Variants in ASF1A observed in about 807,000 individuals in gnomAD.
ASF1A encodes anti-silencing function 1A histone chaperone, also known as histone chaperone ASF1A.
ASF1A carries 5 observed loss-of-function variants against 22.0 expected under a neutral mutation model. The ratio of observed to expected loss-of-function variants is 0.23; its 90% CI spans 0.12 to 0.48. ASF1A has a LOEUF of 0.48. Ranked by LOEUF, ASF1A falls within the 20% of genes least tolerant of loss-of-function variation. The probability of loss-of-function intolerance (pLI) is 0.99; values close to 1 mark genes in which losing one functional copy is unlikely to be tolerated. For missense variants in ASF1A, 137 were observed against 240.6 expected, an observed-to-expected ratio of 0.57 and a Z score of 2.85; for synonymous variants, 97 against 86.7, an observed-to-expected ratio of 1.12 and a Z score of -0.66.
intron 1 of ASF1A, 126 bp downstream of exon 1, chr6:118,894,648 G>A (rs1399535136): frequency 2.4e-6 from 2 of 827,640 alleles, no homozygotes; most frequent in Non-Finnish European, 1.9e-6. Flanking sequence ...CTCTGCGGAG[G>A]GAAACTTGAA....
intron 1 of ASF1A, among the ~76,000 whole-genome samples, chr6:118,897,081 C>G (rs1209061016): frequency 9.2e-5 from 14 of 152,140 alleles, no homozygotes. Context: ...TCAAGCAGTC[C>G]TCCCACCCCT....
intron 3 of ASF1A, among the ~76,000 whole-genome samples, chr6:118,906,880 CTTG>C (rs1317940360): frequency 2.0e-5 from 3 of 152,110 alleles, no homozygotes; most frequent in Non-Finnish European, 4.4e-5. Flanking sequence ...ATTTTTCACC[CTTG>C]TTGTACCTTC....
chr6:118,894,571 G>T, intron 1 of ASF1A, 49 bp downstream of exon 1: 1 of 1,454,140 alleles, frequency 6.9e-7, no homozygotes. Context: ...GGCTGCAGAC[G>T]TTGAAAGTTT....
chr6:118,905,907 A>G (rs1780147768), intron 3 of ASF1A, 79 bp downstream of exon 3: 1 of 1,098,330 alleles, frequency 9.1e-7, no homozygotes, highest in Non-Finnish European at 1.3e-6. Flanking sequence ...TTCATAGTAT[A>G]CTATTAAAAT....
chr6:118,903,855 AGGAT>A lies in ASF1A; in HGVS notation c.226-1796_226-1793del, dbSNP rs1198486805. The stretch of plus-strand genomic sequence containing the variant: ...ACCCACCTTAGCCTCCCAAAGTGCT[AGGAT>A]TACAGGCGTGAGCCACCGTGCTCAG... On this transcript the variant is annotated intron_variant, in intron 2 of 3. Coordinates refer to ENST00000229595, the MANE Select transcript of ASF1A (RefSeq NM_014034.3). Among the ~76,000 whole-genome samples, 43 of 152,222 alleles carry A rather than the reference AGGAT, an allele frequency of 2.8e-4. 1 individual carries two copies. The highest frequency in any genetic ancestry group is 9.9e-4 in the African/African-American group (41 of 41,552).
At chr6:118,904,630 A>G (rs567897516) in intron 2 of ASF1A, among the ~76,000 whole-genome samples, 1 of 152,318 alleles carries the variant, frequency 6.6e-6, no homozygotes, top group South Asian at 2.1e-4. Context: ...TACTTTCTGC[A>G]TTCCTCAAGG....
chr6:118,908,344 A>C lies in ASF1A; in HGVS notation c.*730A>C, dbSNP rs1012731995. 1 of 152,146 alleles carries C rather than the reference A, an allele frequency of 6.6e-6. No individual in the cohort carries two copies. Among genetic ancestry groups the C allele is most frequent in the African/African-American group, 2.4e-5 (1 of 41,452 alleles). 9.4% of individuals were successfully genotyped at this position (152,146 alleles called of 1,614,324 possible). On this transcript the variant is annotated 3_prime_UTR_variant, in exon 4 of 4. Coordinates refer to ENST00000229595, the MANE Select transcript of ASF1A (RefSeq NM_014034.3). ...TTATTGTCCAGTGAATTCAAGACCA[A>C]ATACAATATCGGGAGAAAATACAAA... is the stretch of plus-strand genomic sequence containing the variant.
chr6:118,900,156 T>A (rs1779707327), intron 1 of ASF1A, among the ~76,000 whole-genome samples: 1 of 151,992 alleles, frequency 6.6e-6, no homozygotes, highest in South Asian at 2.1e-4. Context: ...ATTTAAAGAA[T>A]GTATGACACA....
intron 1 of ASF1A, among the ~76,000 whole-genome samples, chr6:118,898,310 C>T (rs919759037): frequency 2.6e-5 from 4 of 151,986 alleles, no homozygotes; most frequent in African/African-American, 7.3e-5. Context: ...TAAATTATGG[C>T]TATGTTCCTA....
At chr6:118,895,975 T>G (rs1295528925) in intron 1 of ASF1A, among the ~76,000 whole-genome samples, 1 of 151,946 alleles carries the variant, frequency 6.6e-6, no homozygotes, top group Non-Finnish European at 1.5e-5. Flanking sequence ...TTAACAGTTC[T>G]CTGTACTCAG....
intron 1 of ASF1A, among the ~76,000 whole-genome samples, chr6:118,894,924 G>T (rs985943486): frequency 1.3e-5 from 2 of 152,184 alleles, no homozygotes; most frequent in African/African-American, 4.8e-5. Context: ...CTGTGCGTGT[G>T]GTCGCGCCGG....
intron 2 of ASF1A, among the ~76,000 whole-genome samples, chr6:118,905,273 A>G (rs1479094000): frequency 6.6e-6 from 1 of 152,250 alleles, no homozygotes; most frequent in Admixed American, 6.5e-5. Context: ...TGAGGAGATC[A>G]TTTAATACTT....
chr6:118,898,568 G>A (rs1779595784), intron 1 of ASF1A, among the ~76,000 whole-genome samples: 1 of 151,954 alleles, frequency 6.6e-6, no homozygotes, highest in African/African-American at 2.4e-5. Context: ...GGGACCACAG[G>A]CATGTGCCAC....
chr6:118,898,027 C>T (rs766442788), intron 1 of ASF1A, among the ~76,000 whole-genome samples: 1 of 152,184 alleles, frequency 6.6e-6, no homozygotes, highest in Non-Finnish European at 1.5e-5. Context: ...TTCCCTTATT[C>T]CACTGCTAAT....
chr6:118,906,418 A>G, intron 3 of ASF1A, among the ~76,000 whole-genome samples: 1 of 152,168 alleles, frequency 6.6e-6, no homozygotes, highest in Non-Finnish European at 1.5e-5. Flanking sequence ...CTTTCTTTAT[A>G]GCATTTCCCA....
chr6:118,906,399 TG>T (rs1287499675), intron 3 of ASF1A, among the ~76,000 whole-genome samples: 2 of 152,162 alleles, frequency 1.3e-5, no homozygotes, highest in Non-Finnish European at 2.9e-5. Flanking sequence ...GACAGGCCTT[TG>T]TTTATGGCTT....
rs1315233194 is a variant in ASF1A, at chr6:118,905,745, A to C, written c.319A>C (p.Ile107Leu). Residue 107 changes from isoleucine to leucine, a missense_variant, in exon 3 of 4, where the codon ATT (isoleucine) becomes CTT (leucine). Ile to Leu is a conservative substitution (Grantham distance 5, BLOSUM62 2). This residue lies in a region of ASF1A where 96 missense variants were observed against 196.7 expected (regional missense o/e 0.49). Coordinates refer to ENST00000229595, the MANE Select transcript of ASF1A (RefSeq NM_014034.3). Reference sequence around the variant, plus strand: ...TTGTACCTATCGAGGACAAGAATTTATTAGAGTTGGCTATTATGTAAATAA... The same window carrying C: ...TTGTACCTATCGAGGACAAGAATTTCTTAGAGTTGGCTATTATGTAAATAA... ...ITCTYRGQEFIRVGYYVNNEY... is the reference protein window; with the variant it reads ...ITCTYRGQEFLRVGYYVNNEY... 1.9e-6 allele frequency: 3 copies of C among 1,613,570 alleles called. No homozygotes were observed. Among genetic ancestry groups the C allele is most frequent in the African/African-American group, 1.3e-5 (1 of 74,928 alleles).
chr6:118,897,519 A>G (rs947465358), intron 1 of ASF1A, among the ~76,000 whole-genome samples: 1 of 152,104 alleles, frequency 6.6e-6, no homozygotes, highest in African/African-American at 2.4e-5. Context: ...ATGGTGCTTC[A>G]TACTTTCCAA....
Position 118,894,522 on chromosome 6 carries a change from G to C in ASF1A, c.109G>C (p.Asp37His). The C allele has an allele frequency of 6.5e-7, 1 of 1,536,632 alleles. No homozygotes were observed. The highest frequency in any genetic ancestry group is 8.7e-7 in the Non-Finnish European group (1 of 1,146,354). Reference sequence around the variant, plus strand: ...CGAGTGCATCGAGGACCTGTCTGAAGGTGAGTGCGGCGCCCGTGCGCCCGG... The same window carrying C: ...CGAGTGCATCGAGGACCTGTCTGAACGTGAGTGCGGCGCCCGTGCGCCCGG... ...TFECIEDLSE[D>H]LEWKIIYVGS... The change falls in exon 1 of 4, where the codon GAC (aspartate) becomes CAC (histidine). Residue 37 changes from aspartate (D) to histidine (H), a missense_variant and splice_region_variant. By Grantham distance (81) the Asp-to-His change is moderately conservative (BLOSUM62 -1). Around this residue, in one of 2 missense-constraint regions of ASF1A, gnomAD observed 96 missense variants for 196.7 expected, o/e 0.49. Coordinates refer to ENST00000229595, the MANE Select transcript of ASF1A (RefSeq NM_014034.3).
Sources: gnomAD v4.1 joint callset for allele counts (sites outside exome capture counted in the v4.1 genomes callset) on GRCh38, gnomAD v4.1.1 for gene constraint, gnomAD v4.1.1 regional missense constraint, MANE v1.5 for transcripts, NCBI Gene and HGNC (gene_info 2026-07-23, HGNC 2026-07-21) for gene names.